The following OPCML variants were observed in gnomAD, a reference collection of about 807,000 sequenced individuals.
The protein encoded by OPCML is opioid-binding protein/cell adhesion molecule.
Under a neutral mutation model 37.8 loss-of-function variants are expected in OPCML, and 13 were observed. The observed-to-expected ratio is 0.34, with a 90% confidence interval of 0.22 to 0.55. OPCML has a LOEUF of 0.55. Ranked by LOEUF, OPCML falls within the 20% of genes least tolerant of loss-of-function variation. OPCML has a pLI of 0.91. For missense variants in OPCML, 341 were observed against 435.6 expected (o/e 0.78, Z 1.93); for synonymous variants, 176 against 168.8 (o/e 1.04, Z -0.33).
At chr11:132,756,621 T>C (rs1946057953) in intron 2 of OPCML, among the ~76,000 whole-genome samples, 1 of 152,188 alleles carries the variant, frequency 6.6e-6, no homozygotes, top group South Asian at 2.1e-4. Context: ...AATATAATGA[T>C]AAACATATTT....
chr11:133,083,966 ATTG>A (rs146144361), intron 1 of OPCML, among the ~76,000 whole-genome samples: 10 of 152,286 alleles, frequency 6.6e-5, no homozygotes, highest in South Asian at 2.1e-4. Flanking sequence ...ATTGTCTGGA[ATTG>A]TTATTTCAAT....
At chr11:132,977,825 C>T (rs1565378120) in intron 1 of OPCML, among the ~76,000 whole-genome samples, 2 of 152,044 alleles carry the variant, frequency 1.3e-5, no homozygotes, top group Admixed American at 6.5e-5. Flanking sequence ...GAGAATAGGA[C>T]AAAAAATGTG....
At chr11:133,327,958 C>T (rs985149060) in intron 1 of OPCML, among the ~76,000 whole-genome samples, 2 of 152,136 alleles carry the variant, frequency 1.3e-5, no homozygotes, top group Non-Finnish European at 2.9e-5. Flanking sequence ...GCAGAGAACA[C>T]TATACGGGTT....
intron 1 of OPCML, among the ~76,000 whole-genome samples, chr11:132,999,699 G>T (rs1313579170): frequency 6.6e-6 from 1 of 152,164 alleles, no homozygotes; most frequent in Non-Finnish European, 1.5e-5. Context: ...GAAATGTCAG[G>T]AACTCCGGCG....
At chr11:132,497,836 A>G (rs2096236225) in intron 4 of OPCML, among the ~76,000 whole-genome samples, 1 of 152,212 alleles carries the variant, frequency 6.6e-6, no homozygotes, top group Non-Finnish European at 1.5e-5. Context: ...GGTAGAGAAG[A>G]AAACCACAAT....
chr11:132,746,247 T>C (rs1392664405), intron 2 of OPCML, among the ~76,000 whole-genome samples: 1 of 152,196 alleles, frequency 6.6e-6, no homozygotes, highest in East Asian at 1.9e-4. Context: ...TTTGTCACCA[T>C]TCTTTGAACT....
intron 1 of OPCML, among the ~76,000 whole-genome samples, chr11:133,486,497 T>C (rs1410383438): frequency 6.6e-6 from 1 of 152,002 alleles, no homozygotes; most frequent in East Asian, 1.9e-4. Context: ...CACTATCAGG[T>C]TTTTCTTCCT....
chr11:133,097,829 C>T (rs865777402), intron 1 of OPCML, among the ~76,000 whole-genome samples: 21 of 152,140 alleles, frequency 1.4e-4, no homozygotes, highest in African/African-American at 4.6e-4. Flanking sequence ...AATAGACAAT[C>T]TGAATAGTCC....
intron 1 of OPCML, among the ~76,000 whole-genome samples, chr11:133,461,446 T>C (rs140308506): frequency 1.3e-5 from 2 of 152,000 alleles, no homozygotes; most frequent in East Asian, 1.9e-4. Flanking sequence ...TATATACTAA[T>C]AGTGAACAAT....
intron 4 of OPCML, among the ~76,000 whole-genome samples, chr11:132,510,688 T>G (rs947907048): frequency 1.3e-4 from 20 of 152,200 alleles, no homozygotes; most frequent in African/African-American, 4.6e-4. Context: ...GCCATGATTC[T>G]GAGGCTTCCC....
At chr11:132,874,167 A>T (rs1320545124) in intron 2 of OPCML, among the ~76,000 whole-genome samples, 3 of 152,168 alleles carry the variant, frequency 2.0e-5, no homozygotes, top group Non-Finnish European at 4.4e-5. Context: ...TCTCCCCATG[A>T]CATTTTGTCA....
At chr11:132,473,951 T>C (rs2096146275) in intron 4 of OPCML, among the ~76,000 whole-genome samples, 1 of 152,122 alleles carries the variant, frequency 6.6e-6, no homozygotes, top group Non-Finnish European at 1.5e-5. Flanking sequence ...CTCTCTACAA[T>C]CTAAGGCCAA....
intron 3 of OPCML, among the ~76,000 whole-genome samples, chr11:132,580,833 C>A (rs990890053): frequency 6.6e-5 from 10 of 152,160 alleles, no homozygotes; most frequent in African/African-American, 2.4e-4. Context: ...TCAATGTGCA[C>A]TGGTCTGCAG....
intron 1 of OPCML, among the ~76,000 whole-genome samples, chr11:133,506,510 TC>T (rs1187507702): frequency 6.6e-6 from 1 of 152,168 alleles, no homozygotes; most frequent in African/African-American, 2.4e-5. Flanking sequence ...TTGCCTCTGC[TC>T]CTCTACCTGC....
chr11:132,574,795 G>A (rs896811934), intron 3 of OPCML, among the ~76,000 whole-genome samples: 1 of 151,876 alleles, frequency 6.6e-6, no homozygotes, highest in African/African-American at 2.4e-5. Flanking sequence ...GTGGTGTTAA[G>A]TCCTTGGTTT....
intron 4 of OPCML, among the ~76,000 whole-genome samples, chr11:132,479,986 T>C (rs1274702167): frequency 6.6e-6 from 1 of 152,130 alleles, no homozygotes; most frequent in African/African-American, 2.4e-5. Context: ...AGGAACGCAG[T>C]CCCTCACCAG....
At chr11:132,680,460 C>A (rs1163707188) in intron 2 of OPCML, among the ~76,000 whole-genome samples, 1 of 152,098 alleles carries the variant, frequency 6.6e-6, no homozygotes. Flanking sequence ...TCCCTTTGCC[C>A]ACGTGAAGAC....
At chr11:132,708,954 G>A (rs1246553009) in intron 2 of OPCML, among the ~76,000 whole-genome samples, 3 of 152,110 alleles carry the variant, frequency 2.0e-5, no homozygotes, top group Non-Finnish European at 4.4e-5. Flanking sequence ...TCAGTCCCTT[G>A]TCTCAAGTTT....
At chr11:133,204,081 A>AAAAAAAAAAC in intron 1 of OPCML, among the ~76,000 whole-genome samples, 1 of 150,674 alleles carries the variant, frequency 6.6e-6, no homozygotes, top group African/African-American at 2.4e-5. Context: ...AAAAAAAAAA[A>AAAAAAAAAAC]AAAAAAATGC....
Sources: allele counts gnomAD v4.1 joint callset (sites outside exome capture counted in the v4.1 genomes callset), GRCh38; gene constraint gnomAD v4.1.1; transcripts MANE v1.5; gene names NCBI Gene and HGNC (gene_info 2026-07-23, HGNC 2026-07-21).